The following WDR72 variants were observed in gnomAD, a reference collection of about 807,000 sequenced individuals.
WDR72 encodes WD repeat-containing protein 72.
In WDR72, 120 loss-of-function variants were observed where a neutral mutation model predicts 124.2. That is an observed-to-expected ratio of 0.97 (90% CI 0.83 to 1.12). WDR72 has a LOEUF of 1.12. Ranked by LOEUF, WDR72 falls within the 50% of genes most tolerant of loss-of-function variation. The probability of loss-of-function intolerance (pLI) is 0.00; values close to 1 mark genes in which losing one functional copy is unlikely to be tolerated. For synonymous variants in WDR72, 452 were observed against 441.7 expected (o/e 1.02, Z -0.29); for missense variants, 1,387 against 1,278.8 (o/e 1.08, Z -1.29).
chr15:53,618,906 G>A (rs1394788019), intron 14 of WDR72, among the ~76,000 whole-genome samples: 3 of 151,892 alleles, frequency 2.0e-5, no homozygotes, highest in Admixed American at 6.6e-5. Flanking sequence ...CCCCTTACAC[G>A]TTTTTCAACT....
chr15:53,684,018 T>C (rs2016500422), intron 13 of WDR72: 1 of 152,062 alleles, frequency 6.6e-6, no homozygotes, highest in Non-Finnish European at 1.5e-5. Flanking sequence ...ATGCATATAA[T>C]AAAGGATATC....
chr15:53,530,754 G>A (rs1296142463), intron 18 of WDR72, among the ~76,000 whole-genome samples: 1 of 152,014 alleles, frequency 6.6e-6, no homozygotes, highest in Non-Finnish European at 1.5e-5. Context: ...ATTTATATAT[G>A]AACTTAAGAT....
At chr15:53,702,388 GT>G in intron 11 of WDR72, 34 bp from the exon 12 acceptor site, 1 of 1,511,888 alleles carries the variant, frequency 6.6e-7, no homozygotes, top group Non-Finnish European at 9.2e-7. Context: ...TAATACAGAT[GT>G]TATTTTTGTT....
At chr15:53,636,308 A>C (rs916454087) in intron 14 of WDR72, among the ~76,000 whole-genome samples, 5 of 152,182 alleles carry the variant, frequency 3.3e-5, no homozygotes, top group Non-Finnish European at 7.3e-5. Flanking sequence ...TGTCAATCCT[A>C]ACCTGATCTG....
chr15:53,596,954 T>G, intron 18 of WDR72, 125 bp downstream of exon 18: 1 of 916,546 alleles, frequency 1.1e-6, no homozygotes, highest in Non-Finnish European at 1.8e-6. Flanking sequence ...AGGAGACTAG[T>G]GAATGTCTAT....
chr15:53,651,393 C>T (rs1490811833), intron 14 of WDR72, among the ~76,000 whole-genome samples: 1 of 152,148 alleles, frequency 6.6e-6, no homozygotes, highest in Non-Finnish European at 1.5e-5. Context: ...GTTTTGTTTA[C>T]GATGTATCCA....
intron 18 of WDR72, among the ~76,000 whole-genome samples, chr15:53,547,235 C>T (rs1424868230): frequency 1.3e-5 from 2 of 152,204 alleles, no homozygotes; most frequent in African/African-American, 4.8e-5. Flanking sequence ...TGGGTTTAAG[C>T]GATTCTCCTG....
intron 18 of WDR72, among the ~76,000 whole-genome samples, chr15:53,524,266 G>T (rs1407350117): frequency 6.6e-6 from 1 of 152,064 alleles, no homozygotes; most frequent in Admixed American, 6.6e-5. Context: ...TTTATTACAA[G>T]TTGCTGCAAT....
At chr15:53,694,184 G>A (rs892373664) in intron 13 of WDR72, among the ~76,000 whole-genome samples, 2 of 152,200 alleles carry the variant, frequency 1.3e-5, no homozygotes, top group South Asian at 4.1e-4. Context: ...GTCACGGGAT[G>A]TGGACTGGCA....
Position 53,613,717 on chromosome 15 carries a change from C to G in WDR72, c.2821G>C (p.Ala941Pro). 1 of 1,610,958 alleles carries G rather than the reference C, an allele frequency of 6.2e-7. No homozygotes were observed. The highest frequency in any genetic ancestry group is 2.2e-5 in the East Asian group (1 of 44,720). Reference protein sequence around the residue: ...MESIHNKMRGAGNDILNMSSF... With the variant: ...MESIHNKMRGPGNDILNMSSF... ...GACATATTTAAAATGTCATTCCCAGCACCTCTCATCTTATTATGTATACTT... is the reference window on the plus strand; with the variant it reads ...GACATATTTAAAATGTCATTCCCAGGACCTCTCATCTTATTATGTATACTT... The change falls in exon 16 of 20, where the codon GCT (alanine) becomes CCT (proline). Residue 941 changes from alanine (A) to proline (P), a missense_variant. By Grantham distance (27) the Ala-to-Pro change is conservative. Coordinates refer to ENST00000360509, the MANE Select transcript of WDR72 (RefSeq NM_182758.4).
chr15:53,540,953 A>T (rs1380836976), intron 18 of WDR72: 1 of 157,064 alleles, frequency 6.4e-6, no homozygotes, highest in South Asian at 2.0e-4. Flanking sequence ...AAAACGGCGC[A>T]CCACGAGATT....
intron 14 of WDR72, among the ~76,000 whole-genome samples, chr15:53,619,883 T>G (rs191208649): frequency 4.6e-5 from 7 of 152,168 alleles, no homozygotes; most frequent in African/African-American, 1.7e-4. Context: ...TCTTTATTTG[T>G]AGAGAAATGA....
intron 15 of WDR72, 66 bp downstream of exon 15, chr15:53,615,360 G>T: frequency 7.8e-7 from 1 of 1,284,310 alleles, no homozygotes; most frequent in Non-Finnish European, 1.1e-6. Flanking sequence ...GCTAAATATA[G>T]CAAATAATGA....
intron 1 of WDR72, among the ~76,000 whole-genome samples, chr15:53,752,362 A>G (rs2140897306): frequency 6.6e-6 from 1 of 152,296 alleles, no homozygotes; most frequent in East Asian, 1.9e-4. Flanking sequence ...ATGAGGTAAT[A>G]CTGGATTGGG....
chr15:53,686,440 A>G (rs919286347), intron 13 of WDR72, among the ~76,000 whole-genome samples: 2 of 150,040 alleles, frequency 1.3e-5, no homozygotes, highest in African/African-American at 4.9e-5. Flanking sequence ...ACTTTAAACC[A>G]ACAAAGATCA....
intron 17 of WDR72, 38 bp downstream of exon 17, chr15:53,609,475 C>A: frequency 6.4e-7 from 1 of 1,565,922 alleles, no homozygotes; most frequent in Non-Finnish European, 8.8e-7. Context: ...CAGCAAGGAA[C>A]TCTTCTAATA....
chr15:53,564,801 A>T (rs1183206727), intron 18 of WDR72, among the ~76,000 whole-genome samples: 1 of 151,854 alleles, frequency 6.6e-6, no homozygotes, highest in Non-Finnish European at 1.5e-5. Flanking sequence ...TGAAGGTGCT[A>T]GTCCTGCTGA....
At chr15:53,744,712 C>T (rs1357025013) in intron 1 of WDR72, among the ~76,000 whole-genome samples, 1 of 152,098 alleles carries the variant, frequency 6.6e-6, no homozygotes, top group Non-Finnish European at 1.5e-5. Context: ...AGATGACATT[C>T]AGTAATATTT....
chr15:53,573,665 C>T (rs1411272147), intron 18 of WDR72, among the ~76,000 whole-genome samples: 3 of 152,122 alleles, frequency 2.0e-5, no homozygotes, highest in Non-Finnish European at 4.4e-5. Flanking sequence ...CCTGCCTCAG[C>T]CTCCTGAGTA....
Sources: allele counts gnomAD v4.1 joint callset (sites outside exome capture counted in the v4.1 genomes callset), GRCh38; gene constraint gnomAD v4.1.1; transcripts MANE v1.5; gene names NCBI Gene and HGNC (gene_info 2026-07-23, HGNC 2026-07-21).